The following SPATA22 variants were observed in gnomAD, a reference collection of about 807,000 sequenced individuals.
SPATA22 encodes the protein spermatogenesis associated 22.
A neutral mutation model predicts 47.8 loss-of-function variants in SPATA22; 29 were observed. The observed-to-expected ratio is 0.61, with a 90% CI of 0.45 to 0.83. The LOEUF (loss-of-function observed/expected upper bound fraction) is 0.83. Among genes scored for constraint, SPATA22 ranks in the 40% least tolerant of loss-of-function variants. The pLI, the probability that SPATA22 is intolerant of heterozygous loss-of-function variation, is 0.00. For missense variants in SPATA22, 410 were observed against 421.7 expected, an observed-to-expected ratio of 0.97 and a Z score of 0.24; for synonymous variants, 133 against 140.9, an observed-to-expected ratio of 0.94 and a Z score of 0.40.
intron 5 of SPATA22, among the ~76,000 whole-genome samples, chr17:3,457,973 G>C (rs1242115860): frequency 1.3e-5 from 2 of 152,202 alleles, no homozygotes; most frequent in East Asian, 3.9e-4. Context: ...GGAAATATTT[G>C]AGAACTACAT....
At chr17:3,476,510 C>T (rs933785436), upstream of SPATA22, 3 of 968,694 alleles carry the variant, frequency 3.1e-6, no homozygotes, top group East Asian at 2.5e-5. Context: ...TACATGCAGT[C>T]GTATGTTGAA....
chr17:3,513,720 A>G, exon 1 of SPATA22: 1 of 496,250 alleles, frequency 2.0e-6, no homozygotes, highest in Non-Finnish European at 3.6e-6. Context: ...AACAAAATCC[A>G]GGATGTTTCC....
intron 3 of SPATA22, among the ~76,000 whole-genome samples, chr17:3,465,257 C>A (rs1290243642): frequency 2.9e-5 from 3 of 104,752 alleles, no homozygotes; most frequent in Non-Finnish European, 6.6e-5. Flanking sequence ...TCTGCCCGGC[C>A]ACCACCCCGT....
chr17:3,491,261 C>G (rs902339754), intron 1 of SPATA22, among the ~76,000 whole-genome samples: 1 of 152,066 alleles, frequency 6.6e-6, no homozygotes, highest in East Asian at 1.9e-4. Flanking sequence ...ACATCAGGGA[C>G]CAAAGTTTTG....
At chr17:3,479,065 G>A (rs971481971) in intron 1 of SPATA22, among the ~76,000 whole-genome samples, 3 of 152,080 alleles carry the variant, frequency 2.0e-5, no homozygotes, top group African/African-American at 7.2e-5. Context: ...ATACCTCTAG[G>A]AATCATCCTA....
intron 5 of SPATA22, among the ~76,000 whole-genome samples, chr17:3,450,083 G>A (rs2072821699): frequency 6.6e-6 from 1 of 152,038 alleles, no homozygotes; most frequent in African/African-American, 2.4e-5. Context: ...CAAACTCCTG[G>A]GCTCAAGTGA....
intron 1 of SPATA22, chr17:3,481,851 T>C (rs558544167): frequency 1.4e-6 from 2 of 1,442,296 alleles, no homozygotes; most frequent in Non-Finnish European, 9.5e-7. Context: ...TACTTTTAAG[T>C]CAATTATGGA....
At chr17:3,466,833 C>G (rs1008149485) in intron 3 of SPATA22, among the ~76,000 whole-genome samples, 1 of 152,186 alleles carries the variant, frequency 6.6e-6, no homozygotes, top group Non-Finnish European at 1.5e-5. Flanking sequence ...GCCCTCATGA[C>G]TTAATTACCT....
Position 3,440,254 on chromosome 17 carries a change from C to G in SPATA22, c.985G>C (p.Val329Leu), listed in dbSNP as rs202161187. ...YDQKKNIFQC[V>L]SVRPASVSEQ... ...GAAACAGACGCCGGTCTGACAGAAA[C>G]ACATTGGAAAATGTTCTTTTTCTGG... Residue 329 changes from valine (V) to leucine (L), a missense_variant, in exon 9 of 9, where the codon GTT becomes CTT. Val to Leu is a conservative substitution (Grantham distance 32). Transcript: ENST00000572969. The G allele has an allele frequency of 9.3e-6, 15 of 1,611,492 alleles. No homozygotes were observed. In the East Asian group the frequency reaches 2.2e-4, roughly 24 times the overall value.
chr17:3,457,655 C>A (rs1010693516), intron 5 of SPATA22, among the ~76,000 whole-genome samples: 19 of 148,126 alleles, frequency 1.3e-4, no homozygotes, highest in African/African-American at 4.6e-4. Context: ...AATAGAGAGC[C>A]CAGAAATAAA....
intron 1 of SPATA22, chr17:3,500,635 T>A (rs1037623869): frequency 3.9e-5 from 6 of 152,318 alleles, no homozygotes; most frequent in African/African-American, 1.4e-4. Flanking sequence ...CCCCAGTAGC[T>A]GAGATTACAG....
intron 5 of SPATA22, among the ~76,000 whole-genome samples, chr17:3,459,043 C>T (rs913909100): frequency 1.0e-5 from 1 of 99,346 alleles, no homozygotes; most frequent in African/African-American, 3.7e-5. Context: ...ATAAGTCAGA[C>T]ACAGAAAGAA....
chr17:3,465,477 A>AC (rs1437302579), intron 3 of SPATA22, among the ~76,000 whole-genome samples: 1 of 151,736 alleles, frequency 6.6e-6, no homozygotes, highest in African/African-American at 2.4e-5. Flanking sequence ...CTGTGACCTT[A>AC]CCCCCCAACC....
intron 1 of SPATA22, among the ~76,000 whole-genome samples, chr17:3,484,524 G>C (rs1048197021): frequency 1.3e-5 from 2 of 152,134 alleles, no homozygotes; most frequent in Non-Finnish European, 2.9e-5. Flanking sequence ...ATGTGTTTGG[G>C]GGAGGAAAGG....
At chr17:3,493,321 G>C (rs965665067) in intron 1 of SPATA22, among the ~76,000 whole-genome samples, 1 of 152,108 alleles carries the variant, frequency 6.6e-6, no homozygotes, top group African/African-American at 2.4e-5. Context: ...CCAGCACTTG[G>C]GGAGGCTGAG....
chr17:3,512,382 T>C (rs1054980823), intron 1 of SPATA22: 1 of 152,160 alleles, frequency 6.6e-6, no homozygotes, highest in African/African-American at 2.4e-5. Flanking sequence ...AAAGTCTCTA[T>C]CTGTCCAGCT....
chr17:3,472,536 G>T (rs148686469), upstream of SPATA22: 11 of 152,356 alleles, frequency 7.2e-5, no homozygotes, highest in African/African-American at 2.6e-4. Context: ...AAAAATACTA[G>T]AAGATGAAAT....
In SPATA22 at chr17:3,488,095, G is replaced by A. The variant is rs947188054; in HGVS notation, c.-73-18697C>T. Among the ~76,000 whole-genome samples the A allele has an allele frequency of 6.6e-6, 1 of 152,218 alleles. No homozygotes were observed. The highest frequency in any genetic ancestry group is 1.5e-5 in the Non-Finnish European group (1 of 68,046). ...AGAAGCGGGTGAAAACAAGATGAGT[G>A]TAAAAGAATGCAGTATGTTAATGGG... On this transcript the variant is annotated intron_variant, in intron 1 of 8. Transcript: ENST00000541913. The surrounding 1 kb of genome is among the most constrained non-coding windows in gnomAD (Gnocchi z 6.1).
intron 1 of SPATA22, among the ~76,000 whole-genome samples, chr17:3,482,086 C>G (rs1346672113): frequency 6.6e-6 from 1 of 152,104 alleles, no homozygotes; most frequent in Admixed American, 6.5e-5. Flanking sequence ...TTTATCCAGA[C>G]AGCCACCAGA....
Sources: allele counts gnomAD v4.1 joint callset (sites outside exome capture counted in the v4.1 genomes callset), GRCh38; gene constraint gnomAD v4.1.1; non-coding constraint Gnocchi (gnomAD v3.1); transcripts MANE v1.5; gene names NCBI Gene and HGNC (gene_info 2026-07-23, HGNC 2026-07-21).